ADCY7: variants seen among roughly 807,000 people sequenced by gnomAD.
ADCY7 encodes the protein adenylate cyclase type 7.
In ADCY7, 72 loss-of-function variants were observed where a neutral mutation model predicts 120.6. The ratio of observed to expected loss-of-function variants is 0.60; its 90% CI spans 0.49 to 0.73. The LOEUF (loss-of-function observed/expected upper bound fraction) is 0.73. ADCY7 is among the 30% of genes least tolerant of loss of function. The pLI, the probability that ADCY7 is intolerant of heterozygous loss-of-function variation, is 0.00. For synonymous variants in ADCY7, 661 were observed against 628.0 expected, an observed-to-expected ratio of 1.05 and a Z score of -0.78; for missense variants, 1,227 against 1,486.0, an observed-to-expected ratio of 0.83 and a Z score of 2.87.
At chr16:50,258,129 G>A (rs1237426551) in intron 1 of ADCY7, among the ~76,000 whole-genome samples, 9 of 152,108 alleles carry the variant, frequency 5.9e-5, no homozygotes, top group South Asian at 2.1e-4. Context: ...CAAGCTACTC[G>A]AGAGGCTGAG....
intron 14 of ADCY7, among the ~76,000 whole-genome samples, chr16:50,306,180 C>T (rs376288203): frequency 2.0e-5 from 3 of 152,356 alleles, no homozygotes; most frequent in South Asian, 2.1e-4. Context: ...TGCAATGAGA[C>T]GAGAACCCAA....
chr16:50,253,020 C>T (rs1208888524), intron 1 of ADCY7, among the ~76,000 whole-genome samples: 1 of 152,106 alleles, frequency 6.6e-6, no homozygotes, highest in African/African-American at 2.4e-5. Context: ...CTGCCCCAGG[C>T]TTTGGGTGTG....
At chr16:50,248,522 G>C (rs1251664425) in intron 1 of ADCY7, among the ~76,000 whole-genome samples, 1 of 152,206 alleles carries the variant, frequency 6.6e-6, no homozygotes, top group Non-Finnish European at 1.5e-5. Flanking sequence ...CTGTGCTTTT[G>C]CGCATTGAAG....
chr16:50,313,895 C>A, intron 22 of ADCY7, 63 bp from the exon 23 acceptor site: 1 of 1,402,876 alleles, frequency 7.1e-7, no homozygotes, highest in Non-Finnish European at 1.0e-6. Context: ...TCCTGAGAAG[C>A]AGGGGCAGCC....
At chr16:50,287,862 C>G in intron 1 of ADCY7, 50 bp from the exon 2 acceptor site, 1 of 325,222 alleles carries the variant, frequency 3.1e-6, no homozygotes, top group South Asian at 7.6e-5. Context: ...TGCTAGCCCT[C>G]CCCTGACTTG....
upstream of ADCY7, among the ~76,000 whole-genome samples, chr16:50,265,812 C>T (rs1315690608): frequency 6.6e-6 from 1 of 152,226 alleles, no homozygotes; most frequent in Non-Finnish European, 1.5e-5. Flanking sequence ...CTGGAGGCCT[C>T]CCCCTCTGTT....
upstream of ADCY7, among the ~76,000 whole-genome samples, chr16:50,263,011 C>T (rs2033099724): frequency 6.6e-6 from 1 of 152,212 alleles, no homozygotes; most frequent in Non-Finnish European, 1.5e-5. Context: ...CCTATGGAAG[C>T]TTGTCCTTGT....
At position 50,301,074 on chromosome 16, in the gene ADCY7, T is replaced by C. The variant is rs2035687452; in HGVS notation, c.1236-8T>C. The C allele has an allele frequency of 6.2e-6, 10 of 1,612,558 alleles. No individual in the cohort carries two copies. In the East Asian group the frequency reaches 2.2e-4, roughly 36 times the overall value. On this transcript the variant is annotated splice_polypyrimidine_tract_variant and splice_region_variant and intron_variant, in intron 9 of 25. Transcript: ENST00000673801. ...CCCAAGGCTCTGCCTGACTTGGGTC[T>C]CCCGTAGCCGGGTGCACATCACGGA... is the stretch of plus-strand genomic sequence containing the variant.
intron 18 of ADCY7, among the ~76,000 whole-genome samples, chr16:50,310,248 G>A (rs892776818): frequency 2.0e-5 from 3 of 152,126 alleles, no homozygotes; most frequent in South Asian, 2.1e-4. Flanking sequence ...AGATGGAGCC[G>A]GGGGCAGGCT....
intron 22 of ADCY7, chr16:50,313,334 C>T (rs563106875): frequency 4.4e-5 from 13 of 297,296 alleles, no homozygotes; most frequent in South Asian, 1.0e-4. Context: ...GCAGGAGAAT[C>T]GCTTGAACCT....
intron 6 of ADCY7, among the ~76,000 whole-genome samples, chr16:50,293,909 T>A (rs2035168724): frequency 3.3e-5 from 5 of 152,316 alleles, no homozygotes; most frequent in Admixed American, 2.6e-4. Flanking sequence ...TTGGCTGATT[T>A]GCAGGGAACC....
intron 1 of ADCY7, among the ~76,000 whole-genome samples, chr16:50,249,023 C>A (rs1215713881): frequency 6.6e-6 from 1 of 152,198 alleles, no homozygotes; most frequent in African/African-American, 2.4e-5. Context: ...GTGTGTGGCC[C>A]CCTTGAGTGC....
chr16:50,275,829 G>A (rs1190694159), intron 1 of ADCY7, among the ~76,000 whole-genome samples: 6 of 152,204 alleles, frequency 3.9e-5, no homozygotes, highest in African/African-American at 1.4e-4. Flanking sequence ...TGGGCTTTGG[G>A]CTTGGAGGTT....
At chr16:50,305,614 CCT>C in intron 13 of ADCY7, 28 bp downstream of exon 13, 1 of 1,571,706 alleles carries the variant, frequency 6.4e-7, no homozygotes. Context: ...TGTCCACCCC[CCT>C]CTCCTCTCCC....
At position 50,288,303 on chromosome 16, in the gene ADCY7, G is replaced by A; in HGVS notation, c.124G>A (p.Ala42Thr). The change falls in exon 2 of 26, where the codon GCC becomes ACC. Residue 42 changes from alanine (A) to threonine (T), a missense_variant. Physicochemically the swap from Ala to Thr is moderately conservative, Grantham distance 58. Coordinates refer to ENST00000673801, the MANE Select transcript of ADCY7 (RefSeq NM_001114.5). The part of the protein sequence containing the change: ...GPLLLTLLLV[A>T]ATACVALIII... ...GCTGCTGCTCACGCTCCTGCTGGTGGCCGCCACTGCCTGCGTGGCCCTCAT... is the reference window on the plus strand; with the variant it reads ...GCTGCTGCTCACGCTCCTGCTGGTGACCGCCACTGCCTGCGTGGCCCTCAT... The A allele has an allele frequency of 6.4e-7, 1 of 1,550,712 alleles. No individual in the cohort carries two copies.
At chr16:50,294,034 C>T (rs1166847235) in intron 6 of ADCY7, among the ~76,000 whole-genome samples, 2 of 152,110 alleles carry the variant, frequency 1.3e-5, no homozygotes, top group South Asian at 2.1e-4. Context: ...CTGCCTGCAG[C>T]GCCAGCATTA....
At chr16:50,290,830 GA>G (rs1404919723) in intron 3 of ADCY7, among the ~76,000 whole-genome samples, 170 bp downstream of exon 3, 17 of 152,362 alleles carry the variant, frequency 1.1e-4, no homozygotes, top group African/African-American at 3.8e-4. Flanking sequence ...CTGAGGTGGG[GA>G]GAGCATCCAC....
In ADCY7 at chr16:50,284,233, G is replaced by A. The variant is rs574655665; in HGVS notation, c.-268-3679G>A. 3.9e-5 allele frequency among the ~76,000 whole-genome samples: 6 copies of A among 152,304 alleles called. No homozygotes were observed. The East Asian group carries it at 9.7e-4, about 25-fold the overall frequency. Reference sequence around the variant, plus strand: ...TGAGTTCATTCCCCCCAGGCCTCACGGTGCCCGGCTTGTTCCAGGAGCTGG... The same window carrying A: ...TGAGTTCATTCCCCCCAGGCCTCACAGTGCCCGGCTTGTTCCAGGAGCTGG... On this transcript the variant is annotated intron_variant, in intron 1 of 25. Transcript: ENST00000673801.
At position 50,291,860 on chromosome 16, in the gene ADCY7, G is replaced by A. The variant is rs1402013450; in HGVS notation, c.500G>A (p.Gly167Glu). 4 of 1,613,754 alleles carry A rather than the reference G, an allele frequency of 2.5e-6. No homozygotes were observed. Among genetic ancestry groups the A allele is most frequent in the Non-Finnish European group, 3.4e-6 (4 of 1,179,792 alleles). ...CTCCTGGTGCTCGGTTCTTTGATGG[G>A]AGGCTTCACGACACCCAGTGTCCGG... The part of the protein sequence containing the change: ...SHLLVLGSLM[G>E]GFTTPSVRVG... The change falls in exon 4 of 26, where the codon GGA becomes GAA. Residue 167 changes from glycine to glutamate, a missense_variant. Gly to Glu is a moderately conservative substitution (Grantham distance 98). Around this residue, in one of 5 missense-constraint regions of ADCY7, gnomAD observed 382 missense variants for 411.4 expected, o/e 0.93. Transcript: ENST00000673801.
Sources: allele counts gnomAD v4.1 joint callset (sites outside exome capture counted in the v4.1 genomes callset), GRCh38; gene constraint gnomAD v4.1.1; regional missense constraint gnomAD v4.1.1; transcripts MANE v1.5; gene names NCBI Gene and HGNC (gene_info 2026-07-23, HGNC 2026-07-21).